Variants in SLC50A1 observed in about 807,000 individuals in gnomAD.
SLC50A1 encodes solute carrier family 50 member 1.
A neutral mutation model predicts 28.9 loss-of-function variants in SLC50A1; 22 were observed. The observed-to-expected ratio is 0.76, with a 90% CI of 0.54 to 1.09. The LOEUF (loss-of-function observed/expected upper bound fraction) is 1.09. SLC50A1 is among the 50% of genes least tolerant of loss of function. SLC50A1 has a pLI of 0.00. For synonymous variants in SLC50A1, 96 were observed against 110.6 expected, an observed-to-expected ratio of 0.87 and a Z score of 0.83; for missense variants, 233 against 273.4, an observed-to-expected ratio of 0.85 and a Z score of 1.04.
At position 155,136,578 on chromosome 1, in the gene SLC50A1, C is replaced by T; in HGVS notation, c.158+202C>T. On this transcript the variant is annotated intron_variant, in intron 2 of 5. Transcript: ENST00000368404. ...CTAACACGGTGAAACCCCGTCTCTACTAAAAATACAAAAAATTAGCCGGGC... is the reference window on the plus strand; with the variant it reads ...CTAACACGGTGAAACCCCGTCTCTATTAAAAATACAAAAAATTAGCCGGGC... The T allele has an allele frequency of 5.8e-6, 4 of 693,752 alleles. No homozygotes were observed. The East Asian group carries it at 8.3e-5, about 14-fold the overall frequency. 43.0% of individuals were successfully genotyped at this position (693,752 alleles called of 1,614,324 possible).
chr1:155,135,425 GA>G (rs1664375644), upstream of SLC50A1: 4 of 653,710 alleles, frequency 6.1e-6, no homozygotes, highest in Non-Finnish European at 7.6e-6. Context: ...GCACACTCCA[GA>G]AAAAAACTTC....
Position 155,135,870 on chromosome 1 carries a change from G to T in SLC50A1, c.-42G>T. On this transcript the variant is annotated 5_prime_UTR_variant, in exon 1 of 6. Coordinates refer to ENST00000368404, the MANE Select transcript of SLC50A1 (RefSeq NM_018845.4). ...CTGCAGTAGGTCCCGGCAACCGCAG[G>T]CTCGCGGCGGGCGCTGGGCGCGGGA... The T allele has an allele frequency of 1.2e-6, 2 of 1,610,412 alleles. No homozygotes were observed. The highest frequency in any genetic ancestry group is 2.2e-5 in the South Asian group (2 of 90,826).
Position 155,137,741 on chromosome 1 carries a change from G to A in SLC50A1, c.444+19G>A. 1 of 1,613,274 alleles carries A rather than the reference G, an allele frequency of 6.2e-7. No individual in the cohort carries two copies. The highest frequency in any genetic ancestry group is 2.2e-5 in the East Asian group (1 of 44,864). ...TGACTTGGTGAGTGGGGGTGTCCAAGGAGGTAGGAGAGATAAGAGTCAGGC... is the reference window on the plus strand; with the variant it reads ...TGACTTGGTGAGTGGGGGTGTCCAAAGAGGTAGGAGAGATAAGAGTCAGGC... On this transcript the variant is annotated intron_variant, in intron 4 of 5. Transcript: ENST00000368404.
chr1:155,135,718 G>C (rs914513657), upstream of SLC50A1: 1 of 1,549,870 alleles, frequency 6.5e-7, no homozygotes, highest in South Asian at 1.2e-5. Context: ...TCGGAGGAGA[G>C]GGGCGCGAGT....
At chr1:155,136,184 G>GT in intron 1 of SLC50A1, 115 bp from the exon 2 acceptor site, 1 of 418,802 alleles carries the variant, frequency 2.4e-6, no homozygotes, top group South Asian at 1.8e-5. Flanking sequence ...TGGCGGGGGG[G>GT]AGAGGGGGCG....
intron 1 of SLC50A1, 91 bp downstream of exon 1, chr1:155,136,082 TCCGGAA>T: frequency 7.0e-7 from 1 of 1,429,016 alleles, no homozygotes; most frequent in Non-Finnish European, 9.5e-7. Context: ...ACCTGGCTCG[TCCGGAA>T]CCGGGATCAA....
At chr1:155,137,224 T>A (rs972344148) in intron 3 of SLC50A1, 1 of 552,286 alleles carries the variant, frequency 1.8e-6, no homozygotes, top group African/African-American at 1.9e-5. Context: ...AGGGCTTTTG[T>A]CTCTGATATT....
upstream of SLC50A1, chr1:155,135,680 G>A (rs1049825225): frequency 9.0e-6 from 14 of 1,550,286 alleles, no homozygotes; most frequent in Admixed American, 2.2e-4. Context: ...ACATGGAAGA[G>A]GTCTGGACCA....
At chr1:155,136,755 A>AC in intron 2 of SLC50A1, 73 bp from the exon 3 acceptor site, 1 of 1,554,230 alleles carries the variant, frequency 6.4e-7, no homozygotes, top group South Asian at 1.2e-5. Context: ...AAAAAAAAAA[A>AC]GAGTGAAAGA....
At position 155,138,310 on chromosome 1, in the gene SLC50A1, A is replaced by T. The variant is rs1213326137; in HGVS notation, c.*29A>T. On this transcript the variant is annotated 3_prime_UTR_variant, in exon 6 of 6. Transcript: ENST00000368404. ...TGCTCATCTGACCACTGGGCACCTT[A>T]GTGCCAACCTGAACCAAAGAGACCT... 1.9e-6 allele frequency: 3 copies of T among 1,606,588 alleles called. No individual in the cohort carries two copies. The Admixed American group carries it at 5.0e-5, about 27-fold the overall frequency.
In SLC50A1 at chr1:155,135,873, C is replaced by A. The variant is rs200017605; in HGVS notation, c.-39C>A. ...CAGTAGGTCCCGGCAACCGCAGGCT[C>A]GCGGCGGGCGCTGGGCGCGGGATCC... On this transcript the variant is annotated 5_prime_UTR_variant, in exon 1 of 6. Transcript: ENST00000368404. The A allele has an allele frequency of 5.7e-4, 902 of 1,590,710 alleles. 3 individuals are homozygous for A. The African/African-American group carries it at 0.01, about 18-fold the overall frequency.
At chr1:155,135,501 T>C (rs1664378205), upstream of SLC50A1, 2 of 1,308,748 alleles carry the variant, frequency 1.5e-6, no homozygotes, top group African/African-American at 3.0e-5. Flanking sequence ...GAAGTCTTGT[T>C]AAACTAGCAA....
chr1:155,136,090 C>A (rs1219202948), intron 1 of SLC50A1, 99 bp downstream of exon 1: 9 of 1,291,876 alleles, frequency 7.0e-6, no homozygotes, highest in Non-Finnish European at 8.3e-6. Flanking sequence ...CGTCCGGAAC[C>A]GGGATCAAAG....
At chr1:155,135,615 C>A (rs751041361), upstream of SLC50A1, 145 of 1,550,112 alleles carry the variant, frequency 9.4e-5, 1 homozygote, top group South Asian at 4.5e-4. Flanking sequence ...AGAGTGTGAG[C>A]AGCGGCAGGT....
In SLC50A1 at chr1:155,135,903, C is replaced by G. The variant is rs774368996; in HGVS notation, c.-9C>G. ...CGGGCGCTGGGCGCGGGATCCGACT[C>G]TAGTCGTAATGGAGGCGGGCGGCTT... is the stretch of plus-strand genomic sequence containing the variant. On this transcript the variant is annotated 5_prime_UTR_variant, in exon 1 of 6. Transcript: ENST00000368404. 9.3e-6 allele frequency: 15 copies of G among 1,613,544 alleles called. No individual in the cohort carries two copies. The Admixed American group carries it at 1.2e-4, about 13-fold the overall frequency.
rs1664628060 is a variant in SLC50A1 at position 155,138,485 on chromosome 1, G to C, written c.*204G>C. 1.7e-6 allele frequency: 1 copy of C among 579,700 alleles called. No individual in the cohort carries two copies. The highest frequency in any genetic ancestry group is 2.3e-5 in the South Asian group (1 of 42,658). The allele number at this position is 579,700 out of a possible 1,614,324, so 35.9% of individuals were successfully genotyped here. A position where few individuals can be genotyped will look rare whatever the true frequency, so the allele number is the denominator to read the frequency against. The stretch of plus-strand genomic sequence containing the variant: ...AGATGAAATCACTTTTTATTTTTTA[G>C]AGATTTTTTTTTTTAATTTTGGAGG... On this transcript the variant is annotated 3_prime_UTR_variant, in exon 6 of 6. Transcript: ENST00000368404.
At position 155,137,636 on chromosome 1, in the gene SLC50A1, C is replaced by G. The variant is rs770288928; in HGVS notation, c.358C>G (p.Pro120Ala). 4 of 1,614,196 alleles carry G rather than the reference C, an allele frequency of 2.5e-6. No individual in the cohort carries two copies. In the Admixed American group the frequency reaches 6.7e-5, roughly 27 times the overall value. ...LGYGYFWLLV[P>A]NPEARLQQLG... ...TTATGGCTACTTTTGGCTCCTGGTA[C>G]CCAACCCTGAGGCCCGGCTTCAGCA... Residue 120 changes from proline (P) to alanine (A), a missense_variant, in exon 4 of 6, where the codon CCC becomes GCC. Pro to Ala is a conservative substitution (Grantham distance 27, BLOSUM62 -1). Transcript: ENST00000368404.
At position 155,138,516 on chromosome 1, in the gene SLC50A1, G is replaced by T. The variant is rs534583332; in HGVS notation, c.*235G>T. ...TTTTTTTTTAATTTTGGAGGTTGGG[G>T]TGCAATCTTTAGAATATGCCTTAAA... is the stretch of plus-strand genomic sequence containing the variant. On this transcript the variant is annotated 3_prime_UTR_variant, in exon 6 of 6. Transcript: ENST00000368404. 9.3e-6 allele frequency: 5 copies of T among 537,162 alleles called. No homozygotes were observed. Among genetic ancestry groups the T allele is most frequent in the African/African-American group, 7.6e-5 (4 of 52,740 alleles). 33.3% of individuals were successfully genotyped at this position (537,162 alleles called of 1,614,324 possible).
Position 155,136,216 on chromosome 1 carries a change from G to C in SLC50A1, c.81-83G>C. ...GGCGGGGTCTGCGGTGGTCCGGAAA[G>C]GATGACAGGCATTGGGCATCCCCCT... is the stretch of plus-strand genomic sequence containing the variant. On this transcript the variant is annotated intron_variant, in intron 1 of 5. Coordinates refer to ENST00000368404, the MANE Select transcript of SLC50A1 (RefSeq NM_018845.4). 6.4e-6 allele frequency: 7 copies of C among 1,093,204 alleles called. No individual in the cohort carries two copies. In the South Asian group the frequency reaches 9.4e-5, roughly 15 times the overall value. The allele number at this position is 1,093,204 out of a possible 1,614,324, so 67.7% of individuals were successfully genotyped here.
Sources: allele counts gnomAD v4.1 joint callset, GRCh38; gene constraint gnomAD v4.1.1; transcripts MANE v1.5; gene names NCBI Gene and HGNC (gene_info 2026-07-23, HGNC 2026-07-21).